Variants in THADA observed in about 807,000 individuals in gnomAD.
THADA encodes tRNA (32-2'-O)-methyltransferase regulator THADA.
THADA carries 213 observed loss-of-function variants against 219.8 expected under a neutral mutation model. That is an observed-to-expected ratio of 0.97 (90% CI 0.87 to 1.09). The LOEUF (loss-of-function observed/expected upper bound fraction) is 1.09, where lower values mean the gene tolerates loss of function less well. Ranked by LOEUF, THADA falls within the 50% of genes least tolerant of loss-of-function variation. THADA has a pLI of 0.00. For synonymous variants in THADA, 1,018 were observed against 828.9 expected (o/e 1.23, Z -3.92); for missense variants, 2,956 against 2,311.3 (o/e 1.28, Z -5.72).
At chr2:43,362,506 A>G (rs1420781261) in intron 29 of THADA, among the ~76,000 whole-genome samples, 1 of 152,192 alleles carries the variant, frequency 6.6e-6, no homozygotes, top group African/African-American at 2.4e-5. Flanking sequence ...TATGCTATTA[A>G]TATAAAGGAT....
At chr2:43,585,531 TGTAG>T (rs1574377698) in intron 7 of THADA, among the ~76,000 whole-genome samples, 1 of 118,574 alleles carries the variant, frequency 8.4e-6, no homozygotes, top group East Asian at 2.3e-4. Context: ...GAAAAAAAAA[TGTAG>T]ATAGATAGAT....
intron 29 of THADA, among the ~76,000 whole-genome samples, chr2:43,364,039 T>A (rs1000634283): frequency 1.3e-5 from 2 of 152,014 alleles, no homozygotes; most frequent in African/African-American, 2.4e-5. Context: ...CTGGGCAACA[T>A]GGTGAAACCC....
intron 22 of THADA, among the ~76,000 whole-genome samples, chr2:43,520,379 A>G (rs1454284402): frequency 6.6e-6 from 1 of 152,190 alleles, no homozygotes; most frequent in African/African-American, 2.4e-5. Flanking sequence ...ACTCAGTAAC[A>G]CAAAATGTTA....
intron 28 of THADA, 41 bp downstream of exon 28, chr2:43,428,058 TC>T: frequency 6.8e-7 from 1 of 1,466,342 alleles, no homozygotes; most frequent in Non-Finnish European, 9.1e-7. Context: ...CCCGTAAAAC[TC>T]CCACGCCAAC....
At chr2:43,362,179 G>C (rs1199473463) in intron 29 of THADA, among the ~76,000 whole-genome samples, 2 of 152,172 alleles carry the variant, frequency 1.3e-5, no homozygotes, top group Non-Finnish European at 2.9e-5. Context: ...CTTATTCAAA[G>C]GAAGCAAAGC....
chr2:43,559,009 GCCAGGTCTT>G (rs1697733058), intron 16 of THADA, among the ~76,000 whole-genome samples: 1 of 152,124 alleles, frequency 6.6e-6, no homozygotes, highest in Non-Finnish European at 1.5e-5. Context: ...TGATGTAAGG[GCCAGGTCTT>G]TCACATTTAT....
intron 15 of THADA, among the ~76,000 whole-genome samples, chr2:43,562,043 C>T (rs1487201263): frequency 1.3e-5 from 2 of 152,130 alleles, no homozygotes; most frequent in African/African-American, 2.4e-5. Flanking sequence ...TGGTGTATTA[C>T]ATTGACTATT....
At chr2:43,368,992 G>A (rs909487757) in intron 29 of THADA, among the ~76,000 whole-genome samples, 1 of 152,152 alleles carries the variant, frequency 6.6e-6, no homozygotes, top group African/African-American at 2.4e-5. Context: ...TTAGGATGAG[G>A]ATGTCATGAG....
At chr2:43,422,241 C>T (rs1227548367) in intron 28 of THADA, among the ~76,000 whole-genome samples, 2 of 152,102 alleles carry the variant, frequency 1.3e-5, no homozygotes, top group East Asian at 1.9e-4. Context: ...TTCCATTTTC[C>T]CATTGGGAGC....
At chr2:43,362,778 G>T (rs534619740) in intron 29 of THADA, among the ~76,000 whole-genome samples, 1 of 152,174 alleles carries the variant, frequency 6.6e-6, no homozygotes, top group East Asian at 1.9e-4. Context: ...TGTTTGTTTT[G>T]TAATAACACA....
chr2:43,434,826 G>C (rs978695544), intron 26 of THADA, among the ~76,000 whole-genome samples: 6 of 152,192 alleles, frequency 3.9e-5, no homozygotes, highest in African/African-American at 4.8e-5. Context: ...CTCTGTCCTT[G>C]CAACAAGGCA....
Position 43,325,805 on chromosome 2 carries a change from A to C in THADA, c.4344-5265T>G, listed in dbSNP as rs557385589. 9.3e-4 allele frequency among the ~76,000 whole-genome samples: 142 copies of C among 152,364 alleles called. 1 individual carries two copies. The highest frequency in any genetic ancestry group is 3.3e-3 in the African/African-American group (139 of 41,578). On this transcript the variant is annotated intron_variant, in intron 30 of 37. Coordinates refer to ENST00000405975, the MANE Select transcript of THADA (RefSeq NM_022065.5). ...TGCTAAGAATAATTTTTAATAAGTT[A>C]TCTTTAAGATTTAAATAACCATTAA...
chr2:43,270,192 T>G (rs1158543280), intron 36 of THADA, among the ~76,000 whole-genome samples: 1 of 152,124 alleles, frequency 6.6e-6, no homozygotes, highest in Non-Finnish European at 1.5e-5. Flanking sequence ...TAGACCTCGT[T>G]TTTCTACTCA....
intron 36 of THADA, among the ~76,000 whole-genome samples, chr2:43,247,889 A>T (rs969846426): frequency 1.3e-5 from 2 of 151,316 alleles, no homozygotes; most frequent in Non-Finnish European, 2.9e-5. Flanking sequence ...CAAAAAATTT[A>T]AAAATTAGCT....
rs758330293 is a variant in THADA at position 43,430,312 on chromosome 2, A to G, written c.3837-10T>C. ...CTCTCTCCCTGTCATTCTGTGAAAG[A>G]AGGAGGAAAAAATTTATTATCATTT... is the stretch of plus-strand genomic sequence containing the variant. On this transcript the variant is annotated splice_polypyrimidine_tract_variant and intron_variant, in intron 26 of 37. Coordinates refer to ENST00000405975, the MANE Select transcript of THADA (RefSeq NM_022065.5). 3 of 1,483,438 alleles carry G rather than the reference A, an allele frequency of 2.0e-6. No homozygotes were observed. The highest frequency in any genetic ancestry group is 1.4e-5 in the African/African-American group (1 of 70,606). 91.9% of individuals were successfully genotyped at this position (1,483,438 alleles called of 1,614,324 possible). A position where few individuals can be genotyped will look rare whatever the true frequency, so the allele number is the denominator to read the frequency against.
chr2:43,520,711 TATACACAC>T (rs1558902203), intron 22 of THADA, among the ~76,000 whole-genome samples: 1 of 131,358 alleles, frequency 7.6e-6, no homozygotes, highest in Non-Finnish European at 1.6e-5. Context: ...CGTATATATA[TATACACAC>T]ACACACACAC....
chr2:43,382,159 G>A (rs555534582), intron 29 of THADA, among the ~76,000 whole-genome samples: 2 of 152,178 alleles, frequency 1.3e-5, no homozygotes, highest in African/African-American at 4.8e-5. Flanking sequence ...TAAATGTAAT[G>A]TGGTAACCTG....
At chr2:43,517,600 A>G (rs2103661167) in intron 22 of THADA, among the ~76,000 whole-genome samples, 1 of 152,230 alleles carries the variant, frequency 6.6e-6, no homozygotes, top group East Asian at 1.9e-4. Flanking sequence ...CAGAAACTTT[A>G]TGTCCATTTA....
intron 30 of THADA, among the ~76,000 whole-genome samples, chr2:43,332,830 T>G (rs1231955962): frequency 6.6e-6 from 1 of 152,204 alleles, no homozygotes; most frequent in East Asian, 1.9e-4. Flanking sequence ...CAGGTTAGGT[T>G]TGCAGATTTC....
Sources: allele counts gnomAD v4.1 joint callset (sites outside exome capture counted in the v4.1 genomes callset), GRCh38; gene constraint gnomAD v4.1.1; transcripts MANE v1.5; gene names NCBI Gene and HGNC (gene_info 2026-07-23, HGNC 2026-07-21).